Variants in ZIM2 observed in about 807,000 individuals in gnomAD.
ZIM2 encodes zinc finger protein 656.
Under a neutral mutation model 38.6 loss-of-function variants are expected in ZIM2, and 14 were observed. That is an observed-to-expected ratio of 0.36 (90% CI 0.24 to 0.57). The LOEUF is 0.57. Ranked by LOEUF, ZIM2 falls within the 20% of genes least tolerant of loss-of-function variation. ZIM2 has a pLI of 0.81. For missense variants in ZIM2, 680 were observed against 695.1 expected, an observed-to-expected ratio of 0.98 and a Z score of 0.24; for synonymous variants, 247 against 245.8, an observed-to-expected ratio of 1.00 and a Z score of -0.04.
Position 56,774,947 on chromosome 19 carries a change from G to A in ZIM2, c.1418C>T (p.Pro473Leu). The change falls in exon 13 of 13, where the codon CCT becomes CTT. Residue 473 changes from proline (P) to leucine (L), a missense_variant. Pro to Leu is a moderately conservative substitution (Grantham distance 98). Transcript: ENST00000629319. The part of the protein sequence containing the change: ...KAHEAARVLP[P>L]GLSHSKTYLI... ...GTATGTCTTGCTGTGGGACAACCCA[G>A]GAGGAAGGACTCTTGCTGCCTCATG... 1.2e-6 allele frequency: 2 copies of A among 1,614,168 alleles called. No homozygotes were observed. Among genetic ancestry groups the A allele is most frequent in the Non-Finnish European group, 8.5e-7 (1 of 1,180,016 alleles).
chr19:56,782,309 A>G (rs2145862561), intron 10 of ZIM2, 188 bp from the exon 11 acceptor site: 1 of 760,478 alleles, frequency 1.3e-6, no homozygotes, highest in South Asian at 1.8e-5. Context: ...GCTAATTACT[A>G]CAGATTTGGG....
In ZIM2 at chr19:56,774,563, C is replaced by A; in HGVS notation, c.*125G>T. 2.3e-6 allele frequency: 3 copies of A among 1,291,190 alleles called. No homozygotes were observed. The highest frequency in any genetic ancestry group is 2.1e-6 in the Non-Finnish European group (2 of 972,338). 80.0% of individuals were successfully genotyped at this position (1,291,190 alleles called of 1,614,324 possible). ...AATTGCAACTTTTTTTTTTTTTTTA[C>A]CACACTTTGATGAATGTTCAAGTTG... is the stretch of plus-strand genomic sequence containing the variant. On this transcript the variant is annotated 3_prime_UTR_variant, in exon 13 of 13. Transcript: ENST00000629319.
At chr19:56,801,775 T>C (rs889370944) in intron 9 of ZIM2, among the ~76,000 whole-genome samples, 2 of 152,106 alleles carry the variant, frequency 1.3e-5, no homozygotes, top group Admixed American at 6.5e-5. Context: ...AAAGTAAAAT[T>C]AGAGCTCGAT....
intron 9 of ZIM2, chr19:56,811,087 G>A (rs1335240674): frequency 4.1e-6 from 4 of 984,706 alleles, no homozygotes; most frequent in African/African-American, 3.5e-5. Context: ...GTCTTTGGAT[G>A]GTGGGGATAT....
intron 2 of ZIM2, among the ~76,000 whole-genome samples, chr19:56,834,160 T>A (rs1476968635): frequency 6.6e-6 from 1 of 152,154 alleles, no homozygotes; most frequent in African/African-American, 2.4e-5. Context: ...GCTCATCTGA[T>A]TTTTTTAAGG....
intron 10 of ZIM2, among the ~76,000 whole-genome samples, chr19:56,787,651 G>A (rs953674487): frequency 6.6e-5 from 10 of 151,238 alleles, no homozygotes; most frequent in Non-Finnish European, 1.5e-4. Context: ...CAGAAGGAAT[G>A]GTACAAGCTC....
chr19:56,804,939 G>A (rs1018262564), intron 9 of ZIM2, among the ~76,000 whole-genome samples: 3 of 152,206 alleles, frequency 2.0e-5, no homozygotes, highest in Non-Finnish European at 2.9e-5. Context: ...TTTGTGACCA[G>A]GCAGTTAGAC....
At chr19:56,812,032 A>G in intron 9 of ZIM2, 1 of 984,676 alleles carries the variant, frequency 1.0e-6, no homozygotes, top group Non-Finnish European at 1.2e-6. Flanking sequence ...CAGATCCAGA[A>G]GAGTAAGATT....
intron 9 of ZIM2, among the ~76,000 whole-genome samples, chr19:56,796,008 C>T (rs2047204485): frequency 6.6e-6 from 1 of 152,158 alleles, no homozygotes; most frequent in African/African-American, 2.4e-5. Context: ...CTTCCTCACA[C>T]CACGTGTGCA....
At chr19:56,835,755 C>G (rs981098961) in intron 2 of ZIM2, among the ~76,000 whole-genome samples, 7 of 152,094 alleles carry the variant, frequency 4.6e-5, no homozygotes, top group Admixed American at 2.6e-4. Flanking sequence ...TCTTTAATCA[C>G]CAGGCAAGAG....
At chr19:56,817,164 C>G in intron 9 of ZIM2, 1 of 1,614,206 alleles carries the variant, frequency 6.2e-7, no homozygotes, top group Non-Finnish European at 8.5e-7. Flanking sequence ...TGCTCACGCT[C>G]ATGGCTTTTC....
rs760198242 is a variant in ZIM2, at chr19:56,817,735, C to T, written c.490+11G>A. 1.1e-4 allele frequency: 183 copies of T among 1,612,174 alleles called. 1 individual carries two copies. The East Asian group carries it at 4.0e-3, about 35-fold the overall frequency. ...TGTGTGGCTCCTCTGTGGGATGTGCCTCCTGCTTACCTCGACTGGTGCTTG... is the reference window on the plus strand; with the variant it reads ...TGTGTGGCTCCTCTGTGGGATGTGCTTCCTGCTTACCTCGACTGGTGCTTG... On this transcript the variant is annotated intron_variant, in intron 9 of 12. Coordinates refer to ENST00000629319, the MANE Select transcript of ZIM2 (RefSeq NM_001387356.1).
In ZIM2 at chr19:56,824,474, C is replaced by T. The variant is rs371052516; in HGVS notation, c.-150-47G>A. On this transcript the variant is annotated intron_variant, in intron 3 of 12. Transcript: ENST00000629319. ...GTTTCGGAGTTTGATCAGGGTCTTC[C>T]GAGGCCCAACAAATTCCACATAGAT... 3.5e-5 allele frequency: 57 copies of T among 1,614,036 alleles called. No individual in the cohort carries two copies. Among genetic ancestry groups the T allele is most frequent in the Non-Finnish European group, 4.4e-5 (52 of 1,180,018 alleles).
At chr19:56,781,927 A>G in intron 11 of ZIM2, 26 bp downstream of exon 11, 5 of 1,608,236 alleles carry the variant, frequency 3.1e-6, no homozygotes, top group Non-Finnish European at 4.3e-6. Context: ...GGAAGAAACC[A>G]AGTCCTGTGG....
chr19:56,811,423 A>G (rs1011352891), intron 9 of ZIM2: 37 of 906,326 alleles, frequency 4.1e-5, no homozygotes, highest in South Asian at 5.1e-5. Context: ...TTCTGTAAAT[A>G]TATTTCCACG....
chr19:56,824,521 A>G, intron 3 of ZIM2, 94 bp from the exon 4 acceptor site: 1 of 1,614,158 alleles, frequency 6.2e-7, no homozygotes, highest in Non-Finnish European at 8.5e-7. Flanking sequence ...ACCTCTGATG[A>G]AAAAACTCAG....
At chr19:56,799,211 A>G (rs1199673678) in intron 9 of ZIM2, 7 of 152,222 alleles carry the variant, frequency 4.6e-5, no homozygotes, top group Non-Finnish European at 8.8e-5. Context: ...ATGCTCATCA[A>G]TGACAGACTT....
chr19:56,814,074 T>C lies in ZIM2; in HGVS notation c.490+3672A>G, dbSNP rs1278048313. 1 of 1,614,198 alleles carries C rather than the reference T, an allele frequency of 6.2e-7. No homozygotes were observed. Among genetic ancestry groups the C allele is most frequent in the East Asian group, 2.2e-5 (1 of 44,862 alleles). On this transcript the variant is annotated intron_variant, in intron 9 of 12. Transcript: ENST00000629319. This position sits in a 1 kb window ranked among gnomAD's most constrained non-coding sequence, Gnocchi z 5.8. ...CTCTTTCTTCTGGGTCTTCAATACC[T>C]GCACCATCTGGCTCATCAGCATCCC... is the stretch of plus-strand genomic sequence containing the variant.
chr19:56,791,608 C>T (rs1802008071), intron 9 of ZIM2, among the ~76,000 whole-genome samples: 3 of 152,174 alleles, frequency 2.0e-5, no homozygotes, highest in Admixed American at 2.0e-4. Flanking sequence ...TTCCCAATAA[C>T]TTACATCTGC....
Sources: allele counts gnomAD v4.1 joint callset (sites outside exome capture counted in the v4.1 genomes callset), GRCh38; gene constraint gnomAD v4.1.1; non-coding constraint Gnocchi (gnomAD v3.1); transcripts MANE v1.5; gene names NCBI Gene and HGNC (gene_info 2026-07-23, HGNC 2026-07-21).